PCNX2: variants seen among roughly 807,000 people sequenced by gnomAD.
PCNX2 encodes pecanex-like protein 2.
Under a neutral mutation model 223.8 loss-of-function variants are expected in PCNX2, and 168 were observed. The ratio of observed to expected loss-of-function variants is 0.75; its 90% CI spans 0.66 to 0.85. The LOEUF (loss-of-function observed/expected upper bound fraction) is 0.85, where lower values mean the gene tolerates loss of function less well. Ranked by LOEUF, PCNX2 falls within the 40% of genes least tolerant of loss-of-function variation. The pLI, the probability that PCNX2 is intolerant of heterozygous loss-of-function variation, is 0.00. For synonymous variants in PCNX2, 1,006 were observed against 1,052.6 expected (o/e 0.96, Z 0.86); for missense variants, 2,507 against 2,675.5 (o/e 0.94, Z 1.39).
chr1:233,170,783 C>G (rs1247030783), intron 17 of PCNX2, among the ~76,000 whole-genome samples: 1 of 152,086 alleles, frequency 6.6e-6, no homozygotes, highest in Non-Finnish European at 1.5e-5. Context: ...TTGTGAATCA[C>G]TTCTATTTTT....
the PCNX2 span, among the ~76,000 whole-genome samples, chr1:233,321,013 CT>C: frequency 0.081 from 5,721 of 70,352 alleles, 57 homozygotes; most frequent in East Asian, 0.21. Context: ...AAAATGTCTT[CT>C]TTTTTTTTTT....
chr1:233,209,479 T>C, intron 12 of PCNX2, among the ~76,000 whole-genome samples: 1 of 152,066 alleles, frequency 6.6e-6, no homozygotes, highest in East Asian at 1.9e-4. Context: ...AAAAAAACAA[T>C]GAAAATGAAT....
intron 1 of PCNX2, among the ~76,000 whole-genome samples, chr1:233,268,091 T>C (rs11581862): frequency 0.089 from 13,518 of 152,196 alleles, 715 homozygotes; most frequent in South Asian, 0.17. Flanking sequence ...TTTGTATTTT[T>C]AGTAGAGACT....
chr1:233,095,708 A>T (rs1674119207), intron 22 of PCNX2, 47 bp downstream of exon 22: 1 of 1,471,188 alleles, frequency 6.8e-7, no homozygotes, highest in South Asian at 1.2e-5. Context: ...TGCTTCCGTA[A>T]AATGTGAATC....
At chr1:233,058,878 T>G (rs1672299162) in intron 23 of PCNX2, among the ~76,000 whole-genome samples, 1 of 152,132 alleles carries the variant, frequency 6.6e-6, no homozygotes, top group African/African-American at 2.4e-5. Context: ...TTGACCAGGA[T>G]GGTCTCGCTC....
chr1:233,241,699 A>G (rs967682169), intron 8 of PCNX2, among the ~76,000 whole-genome samples: 8 of 152,220 alleles, frequency 5.3e-5, no homozygotes, highest in African/African-American at 1.9e-4. Flanking sequence ...AGCTATATGC[A>G]TCTCTCAAAT....
At chr1:233,307,120 T>C in the PCNX2 span, among the ~76,000 whole-genome samples, 1 of 152,212 alleles carries the variant, frequency 6.6e-6, no homozygotes, top group African/African-American at 2.4e-5. Context: ...AATTATATAA[T>C]GTGAGAAGTT....
intron 23 of PCNX2, among the ~76,000 whole-genome samples, chr1:233,072,096 CTGTT>C (rs1380243720): frequency 6.6e-6 from 1 of 152,174 alleles, no homozygotes; most frequent in African/African-American, 2.4e-5. Context: ...TGTAGGTTGT[CTGTT>C]TACTCTGTGG....
At chr1:233,100,163 AG>A (rs1195170833) in intron 21 of PCNX2, among the ~76,000 whole-genome samples, 2 of 152,242 alleles carry the variant, frequency 1.3e-5, no homozygotes, top group African/African-American at 4.8e-5. Flanking sequence ...CTGTAATCCC[AG>A]CACTTTGGGA....
In PCNX2 at chr1:233,038,768, T is replaced by C. The variant is rs73105105; in HGVS notation, c.4352-13369A>G. On this transcript the variant is annotated intron_variant, in intron 25 of 33. Coordinates refer to ENST00000258229, the MANE Select transcript of PCNX2 (RefSeq NM_014801.4). ...TTGCTCTGCATGGATTAGCCAGCTA[T>C]GATAAAGGTTTGGGTTGGATTTGCT... Among the ~76,000 whole-genome samples, 1,176 of 152,330 alleles carry C rather than the reference T, an allele frequency of 7.7e-3. 14 individuals carry two copies. The highest frequency in any genetic ancestry group is 0.027 in the African/African-American group (1,132 of 41,566).
Position 233,118,050 on chromosome 1 carries a change from G to T in PCNX2, c.3837+16963C>A, listed in dbSNP as rs149441145. Among the ~76,000 whole-genome samples, 510 of 151,986 alleles carry T rather than the reference G, an allele frequency of 3.4e-3. 6 individuals carry two copies. Among genetic ancestry groups the T allele is most frequent in the African/African-American group, 0.011 (474 of 41,450 alleles). Reference sequence around the variant, plus strand: ...AATAATTATAGACCATAACCAAATGGGTTTTGTTTCAGGGATGCAAGGTTG... The same window carrying T: ...AATAATTATAGACCATAACCAAATGTGTTTTGTTTCAGGGATGCAAGGTTG... On this transcript the variant is annotated intron_variant, in intron 21 of 33. Coordinates refer to ENST00000258229, the MANE Select transcript of PCNX2 (RefSeq NM_014801.4).
intron 8 of PCNX2, among the ~76,000 whole-genome samples, chr1:233,248,007 G>T (rs1659225638): frequency 6.6e-6 from 1 of 152,028 alleles, no homozygotes; most frequent in Admixed American, 6.5e-5. Flanking sequence ...AGACCCAGAA[G>T]TTGCTATCTG....
At chr1:233,132,509 C>T (rs1190128844) in intron 21 of PCNX2, among the ~76,000 whole-genome samples, 1 of 152,158 alleles carries the variant, frequency 6.6e-6, no homozygotes, top group Non-Finnish European at 1.5e-5. Context: ...CTTCTTACTA[C>T]AGGTATGGAA....
chr1:233,227,332 T>C lies in PCNX2; in HGVS notation c.2398A>G (p.Thr800Ala). ...QDLEASSCSS[T>A]QGKFNREQFY... is the part of the protein sequence containing the mutation. Reference sequence around the variant, plus strand: ...TGCTCTCGGTTAAATTTTCCTTGTGTTGAAGAACATGACGAGGCTTCCAGA... The same window carrying C: ...TGCTCTCGGTTAAATTTTCCTTGTGCTGAAGAACATGACGAGGCTTCCAGA... The change falls in exon 10 of 34, where the codon ACA (threonine) becomes GCA (alanine). Residue 800 changes from threonine (T) to alanine (A), a missense_variant. Thr to Ala is a moderately conservative substitution (Grantham distance 58). This residue lies in a region of PCNX2 where 1,031 missense variants were observed against 1,021.7 expected (regional missense o/e 1.01). Transcript: ENST00000258229. 1 of 1,613,722 alleles carries C rather than the reference T, an allele frequency of 6.2e-7. No homozygotes were observed. Among genetic ancestry groups the C allele is most frequent in the South Asian group, 1.1e-5 (1 of 91,078 alleles).
At chr1:233,053,003 A>G (rs543746447) in intron 25 of PCNX2, among the ~76,000 whole-genome samples, 6 of 151,624 alleles carry the variant, frequency 4.0e-5, no homozygotes, top group Admixed American at 2.0e-4. Context: ...GGTGTCCACA[A>G]TGCAGTCCTA....
chr1:233,164,658 A>ATTTTC (rs1374613134), intron 17 of PCNX2, among the ~76,000 whole-genome samples: 1 of 151,298 alleles, frequency 6.6e-6, no homozygotes, highest in Admixed American at 6.6e-5. Context: ...AAAATGTGAT[A>ATTTTC]TACACAAACA....
intron 25 of PCNX2, among the ~76,000 whole-genome samples, chr1:233,034,586 C>G (rs1671384631): frequency 6.6e-6 from 1 of 152,174 alleles, no homozygotes; most frequent in Non-Finnish European, 1.5e-5. Flanking sequence ...AATATATTCT[C>G]TCTGAGAGGC....
At chr1:233,086,651 A>G (rs1435690595) in intron 23 of PCNX2, among the ~76,000 whole-genome samples, 3 of 152,112 alleles carry the variant, frequency 2.0e-5, no homozygotes, top group Non-Finnish European at 4.4e-5. Flanking sequence ...AGCCTGGGCA[A>G]TAGAGCAAGA....
At chr1:233,031,742 T>C (rs1195468902) in intron 25 of PCNX2, 4 of 985,064 alleles carry the variant, frequency 4.1e-6, no homozygotes, top group African/African-American at 1.7e-5. Context: ...TCCATTTGTC[T>C]TTCTGCCAGA....
Sources: allele counts gnomAD v4.1 joint callset (sites outside exome capture counted in the v4.1 genomes callset), GRCh38; gene constraint gnomAD v4.1.1; regional missense constraint gnomAD v4.1.1; transcripts MANE v1.5; gene names NCBI Gene and HGNC (gene_info 2026-07-23, HGNC 2026-07-21).